WWOX: variants seen among roughly 807,000 people sequenced by gnomAD.
WWOX encodes the protein WW domain containing oxidoreductase, also known as WW domain-containing oxidoreductase.
In WWOX, 69 loss-of-function variants were observed where a neutral mutation model predicts 46.2. The observed-to-expected ratio is 1.49, with a 90% CI of 1.23 to 1.82. The LOEUF (loss-of-function observed/expected upper bound fraction) is 1.82. Ranked by LOEUF, WWOX falls within the 40% of genes most tolerant of loss-of-function variation. The pLI, the probability that WWOX is intolerant of heterozygous loss-of-function variation, is 0.00. For missense variants in WWOX, 919 were observed against 542.6 expected, an observed-to-expected ratio of 1.69 and a Z score of -6.89; for synonymous variants, 359 against 202.6, an observed-to-expected ratio of 1.77 and a Z score of -6.56.
chr16:78,712,547 A>G lies in WWOX; in HGVS notation c.1056+279795A>G, dbSNP rs138581396. 1.8e-3 allele frequency among the ~76,000 whole-genome samples: 271 copies of G among 152,212 alleles called. 1 individual carries two copies. The highest frequency in any genetic ancestry group is 0.017 in the Admixed American group (259 of 15,280). On this transcript the variant is annotated intron_variant, in intron 8 of 8. Transcript: ENST00000566780. Reference sequence around the variant, plus strand: ...ATTGATTAAAAGAGACTTAAGACACATAGTACCAGATGGATTGTGTGATGC... The same window carrying G: ...ATTGATTAAAAGAGACTTAAGACACGTAGTACCAGATGGATTGTGTGATGC...
chr16:78,840,480 C>T, intron 8 of WWOX, among the ~76,000 whole-genome samples: 1 of 152,204 alleles, frequency 6.6e-6, no homozygotes, highest in East Asian at 1.9e-4. Context: ...CATGATCCCA[C>T]TACTTAGGGA....
At chr16:78,333,583 G>A (rs1446746653) in intron 5 of WWOX, among the ~76,000 whole-genome samples, 1 of 152,066 alleles carries the variant, frequency 6.6e-6, no homozygotes, top group Non-Finnish European at 1.5e-5. Context: ...GCTAAAACAT[G>A]CATATATACA....
chr16:78,597,412 T>G (rs1294217606), intron 8 of WWOX, among the ~76,000 whole-genome samples: 3 of 152,200 alleles, frequency 2.0e-5, no homozygotes, highest in Admixed American at 2.0e-4. Context: ...TTGTAGGCAG[T>G]GAGTGCCCGC....
At chr16:78,819,074 C>G (rs892889555) in intron 8 of WWOX, among the ~76,000 whole-genome samples, 16 of 152,202 alleles carry the variant, frequency 1.1e-4, no homozygotes, top group African/African-American at 3.6e-4. Context: ...TGAGCAGGCC[C>G]ATAGTACTCA....
chr16:78,968,576 A>T (rs2046409491), intron 8 of WWOX, among the ~76,000 whole-genome samples: 1 of 152,226 alleles, frequency 6.6e-6, no homozygotes, highest in Admixed American at 6.5e-5. Flanking sequence ...CTTTGACCTC[A>T]GAGCAATGGG....
rs200278119 is a variant in WWOX, at chr16:78,432,526, T to C, written c.830T>C (p.Phe277Ser). ...DINDSLGKLD[F>S]SRLSPTKNDY... ...AACGACTCCTTGGGAAAACTGGACT[T>C]CAGTCGCCTCTCTCCAACAAAAAAC... is the stretch of plus-strand genomic sequence containing the variant. Residue 277 changes from phenylalanine (F) to serine (S), a missense_variant, in exon 8 of 9, where the codon TTC becomes TCC. By Grantham distance (155) the Phe-to-Ser change is radical. Coordinates refer to ENST00000566780, the MANE Select transcript of WWOX (RefSeq NM_016373.4). 5.0e-6 allele frequency: 8 copies of C among 1,614,216 alleles called. No homozygotes were observed. In the African/African-American group the frequency reaches 6.7e-5, roughly 13 times the overall value.
intron 8 of WWOX, among the ~76,000 whole-genome samples, chr16:78,465,319 G>A (rs1164011917): frequency 6.6e-6 from 1 of 152,326 alleles, no homozygotes; most frequent in Admixed American, 6.5e-5. Flanking sequence ...ATTTCTGAAT[G>A]TGGCCCTGAG....
chr16:78,397,872 T>A (rs1256590761), intron 6 of WWOX, among the ~76,000 whole-genome samples: 1 of 152,192 alleles, frequency 6.6e-6, no homozygotes, highest in Non-Finnish European at 1.5e-5. Flanking sequence ...TGCTGGAATA[T>A]GTGTAAAGGA....
intron 8 of WWOX, among the ~76,000 whole-genome samples, chr16:79,027,226 G>A (rs1421810543): frequency 6.8e-6 from 1 of 148,068 alleles, no homozygotes; most frequent in Non-Finnish European, 1.5e-5. Context: ...GCTGCAGTGG[G>A]CTGTGATCAT....
intron 5 of WWOX, among the ~76,000 whole-genome samples, chr16:78,383,201 C>T (rs1056242310): frequency 6.6e-6 from 1 of 151,922 alleles, no homozygotes; most frequent in Non-Finnish European, 1.5e-5. Context: ...GGACACAGAG[C>T]CAAACCACAT....
At position 78,587,193 on chromosome 16, in the gene WWOX, C is replaced by CTT. The variant is rs528293412; in HGVS notation, c.1056+154463_1056+154464dup. On this transcript the variant is annotated intron_variant, in intron 8 of 8. Coordinates refer to ENST00000566780, the MANE Select transcript of WWOX (RefSeq NM_016373.4). ...AGCAGATGCCACCATGCCTGGCTAA[C>CTT]TTTTTTTTTTTTTTTTTTTTTTTGT... Among the ~76,000 whole-genome samples the CTT allele has an allele frequency of 3.0e-3, 334 of 112,842 alleles. 9 individuals carry two copies. The highest frequency in any genetic ancestry group is 6.4e-3 in the East Asian group (21 of 3,256). 74.0% of individuals were successfully genotyped at this position (112,842 alleles called of 152,430 possible).
chr16:78,723,539 A>G (rs1010448951), intron 8 of WWOX, among the ~76,000 whole-genome samples: 2 of 148,480 alleles, frequency 1.3e-5, no homozygotes, highest in East Asian at 2.0e-4. Flanking sequence ...CACTTCTTCT[A>G]CCTTGATTCC....
At chr16:78,462,050 A>G (rs533703627) in intron 8 of WWOX, among the ~76,000 whole-genome samples, 5 of 152,332 alleles carry the variant, frequency 3.3e-5, no homozygotes, top group Non-Finnish European at 5.9e-5. Flanking sequence ...CTTTTTACAT[A>G]TGCACATTAT....
chr16:78,323,635 TTTAC>T (rs1471049560), intron 5 of WWOX, among the ~76,000 whole-genome samples: 1 of 152,200 alleles, frequency 6.6e-6, no homozygotes, highest in Non-Finnish European at 1.5e-5. Context: ...GGCTGTGGAC[TTTAC>T]TTTTCACGCA....
At chr16:78,408,237 A>G (rs2082595927) in intron 6 of WWOX, among the ~76,000 whole-genome samples, 1 of 152,130 alleles carries the variant, frequency 6.6e-6, no homozygotes, top group Admixed American at 6.5e-5. Context: ...TATTTTACAT[A>G]TTCCTGCCCT....
At chr16:78,709,249 G>T (rs1048739825) in intron 8 of WWOX, among the ~76,000 whole-genome samples, 7 of 152,150 alleles carry the variant, frequency 4.6e-5, no homozygotes, top group African/African-American at 1.7e-4. Context: ...CTTTTATCCC[G>T]TAATCTCTGC....
At position 78,346,111 on chromosome 16, in the gene WWOX, A is replaced by G. The variant is rs2081090534; in HGVS notation, c.517-40749A>G. Among the ~76,000 whole-genome samples the G allele has an allele frequency of 1.6e-5, 2 of 121,272 alleles. 1 individual carries two copies. The highest frequency in any genetic ancestry group is 4.9e-4 in the South Asian group (2 of 4,066). 79.6% of individuals were successfully genotyped at this position (121,272 alleles called of 152,430 possible). A position where few individuals can be genotyped will look rare whatever the true frequency, so the allele number is the denominator to read the frequency against. ...GAATTTGCATTTTCTAGAATTTTAG[A>G]TAAGTGAAGTTTTCTAGTACTTGTT... On this transcript the variant is annotated intron_variant, in intron 5 of 8. Transcript: ENST00000566780.
intron 5 of WWOX, chr16:78,179,928 G>T (rs2035475470): frequency 6.6e-6 from 1 of 152,232 alleles, no homozygotes; most frequent in African/African-American, 2.4e-5. Flanking sequence ...CTGAGCCATG[G>T]GAGTTATAAC....
chr16:78,620,451 C>G lies in WWOX; in HGVS notation c.1056+187699C>G, dbSNP rs961938837. On this transcript the variant is annotated intron_variant, in intron 8 of 8. Transcript: ENST00000566780. ...GTGCTTGGGACATTCAAGGCCGAAA[C>G]TTGGTCCCTGGATGGGAGAAGATAG... 2.5e-4 allele frequency among the ~76,000 whole-genome samples: 38 copies of G among 152,172 alleles called. 1 individual carries two copies. The highest frequency in any genetic ancestry group is 8.9e-4 in the African/African-American group (37 of 41,436).
Sources: allele counts gnomAD v4.1 joint callset (sites outside exome capture counted in the v4.1 genomes callset), GRCh38; gene constraint gnomAD v4.1.1; transcripts MANE v1.5; gene names NCBI Gene and HGNC (gene_info 2026-07-23, HGNC 2026-07-21).